TBC1D15: variants seen among roughly 807,000 people sequenced by gnomAD.
The protein encoded by TBC1D15 is GAP for RAB7.
Under a neutral mutation model 95.4 loss-of-function variants are expected in TBC1D15, and 39 were observed. The ratio of observed to expected loss-of-function variants is 0.41; its 90% CI spans 0.32 to 0.53. TBC1D15 has a LOEUF of 0.53. Ranked by LOEUF, TBC1D15 falls within the 20% of genes least tolerant of loss-of-function variation. The pLI is 0.29. For synonymous variants in TBC1D15, 258 were observed against 261.3 expected, an observed-to-expected ratio of 0.99 and a Z score of 0.12; for missense variants, 733 against 794.3, an observed-to-expected ratio of 0.92 and a Z score of 0.93.
At chr12:71,903,024 G>A (rs576316877) in intron 10 of TBC1D15, among the ~76,000 whole-genome samples, 1 of 152,250 alleles carries the variant, frequency 6.6e-6, no homozygotes, top group African/African-American at 2.4e-5. Context: ...GCAATTCTCT[G>A]CGTCAGCCTC....
At chr12:71,861,949 A>G (rs1344692712) in intron 1 of TBC1D15, among the ~76,000 whole-genome samples, 1 of 152,110 alleles carries the variant, frequency 6.6e-6, no homozygotes, top group Admixed American at 6.5e-5. Context: ...CCCATTGGTC[A>G]TTCAGAAACG....
chr12:71,893,283 T>A lies in TBC1D15; in HGVS notation c.616T>A (p.Phe206Ile), dbSNP rs773879213. The part of the protein sequence containing the change: ...NCQNKSLSQS[F>I]ENLLDEPAYG... ...TCAGAATAAGAGTCTTTCACAGTCT[T>A]TTGAAAATCTTCTTGATGAGCCAGC... The change falls in exon 6 of 17, where the codon TTT becomes ATT. Residue 206 changes from phenylalanine to isoleucine, a missense_variant. By Grantham distance (21) the Phe-to-Ile change is conservative. Coordinates refer to ENST00000485960, the MANE Select transcript of TBC1D15 (RefSeq NM_001146213.3). 1 of 1,610,378 alleles carries A rather than the reference T, an allele frequency of 6.2e-7. No individual in the cohort carries two copies.
At chr12:71,855,927 T>C (rs548917646) in intron 1 of TBC1D15, among the ~76,000 whole-genome samples, 1 of 149,652 alleles carries the variant, frequency 6.7e-6, no homozygotes, top group African/African-American at 2.5e-5. Context: ...GTCTTGTTAT[T>C]GTATGTGGTT....
intron 2 of TBC1D15, 105 bp from the exon 3 acceptor site, chr12:71,872,823 TG>T (rs1490056768): frequency 2.8e-6 from 2 of 702,158 alleles, no homozygotes; most frequent in African/African-American, 1.8e-5. Context: ...ATATTTAAAA[TG>T]TAGATATTTA....
chr12:71,843,690 C>T (rs1302285574), intron 1 of TBC1D15, among the ~76,000 whole-genome samples: 2 of 151,878 alleles, frequency 1.3e-5, no homozygotes, highest in African/African-American at 4.8e-5. Flanking sequence ...GCTCTGTCAC[C>T]CAGGCTGGAG....
chr12:71,922,393 AT>A (rs113471599), intron 16 of TBC1D15, among the ~76,000 whole-genome samples: 177 of 146,464 alleles, frequency 1.2e-3, no homozygotes, highest in Middle Eastern at 7.2e-3. Context: ...CCATGACTGC[AT>A]TTTTTTTTTT....
chr12:71,910,834 G>A (rs1902067648), intron 11 of TBC1D15, among the ~76,000 whole-genome samples: 1 of 152,086 alleles, frequency 6.6e-6, no homozygotes, highest in African/African-American at 2.4e-5. Flanking sequence ...GAGTGAACAG[G>A]TAACCTACAA....
intron 1 of TBC1D15, among the ~76,000 whole-genome samples, chr12:71,841,491 A>C (rs1290288583): frequency 6.6e-6 from 1 of 152,048 alleles, no homozygotes; most frequent in East Asian, 1.9e-4. Flanking sequence ...AACAAAACCC[A>C]CTTGTTCTTC....
intron 10 of TBC1D15, 58 bp from the exon 11 acceptor site, chr12:71,906,964 C>G (rs1592808516): frequency 2.7e-6 from 3 of 1,109,522 alleles, no homozygotes; most frequent in African/African-American, 1.6e-5. Flanking sequence ...AAGATGTGAG[C>G]TTTATCACAA....
rs771312089 is a variant in TBC1D15, at chr12:71,873,833, A to T, written c.204+830A>T. On this transcript the variant is annotated intron_variant, in intron 3 of 16. Transcript: ENST00000485960. ...AAACTGGGTGGCTTAGAACAGTCTTAATTTATTGTCTCTCAGTTCTGGAGA... is the reference window on the plus strand; with the variant it reads ...AAACTGGGTGGCTTAGAACAGTCTTTATTTATTGTCTCTCAGTTCTGGAGA... Among the ~76,000 whole-genome samples, 22 of 152,154 alleles carry T rather than the reference A, an allele frequency of 1.4e-4. 1 individual carries two copies. The highest frequency in any genetic ancestry group is 3.1e-4 in the Non-Finnish European group (21 of 68,008).
chr12:71,900,212 G>A (rs553783531), intron 10 of TBC1D15, among the ~76,000 whole-genome samples: 1 of 152,182 alleles, frequency 6.6e-6, no homozygotes, highest in African/African-American at 2.4e-5. Flanking sequence ...ATGTCAAGTA[G>A]GTAGTTGAAT....
chr12:71,871,803 C>T (rs1232657776), intron 1 of TBC1D15, among the ~76,000 whole-genome samples: 1 of 152,198 alleles, frequency 6.6e-6, no homozygotes, highest in African/African-American at 2.4e-5. Flanking sequence ...ATTAGTCTGA[C>T]ATCTTTGTTT....
chr12:71,895,917 G>T lies in TBC1D15; in HGVS notation c.856-30G>T, dbSNP rs374953377. 1.9e-6 allele frequency: 3 copies of T among 1,602,214 alleles called. No homozygotes were observed. In the South Asian group the frequency reaches 3.3e-5, roughly 18 times the overall value. On this transcript the variant is annotated intron_variant, in intron 7 of 16. Transcript: ENST00000485960. ...TTATTTCATTTCACTGGTTAAATAT[G>T]TACTTATTATTGCTTAATCTTATTT... is the stretch of plus-strand genomic sequence containing the variant.
chr12:71,875,065 A>G (rs1331153840), intron 3 of TBC1D15, among the ~76,000 whole-genome samples: 1 of 151,942 alleles, frequency 6.6e-6, no homozygotes, highest in Non-Finnish European at 1.5e-5. Flanking sequence ...CAGCCTCCCA[A>G]ATAGCTGGAA....
At chr12:71,919,434 A>G (rs1441907535) in intron 14 of TBC1D15, among the ~76,000 whole-genome samples, 3 of 152,238 alleles carry the variant, frequency 2.0e-5, no homozygotes, top group Admixed American at 6.5e-5. Context: ...ATTGGGAGAT[A>G]ATCCATTTTG....
intron 4 of TBC1D15, among the ~76,000 whole-genome samples, chr12:71,882,346 C>G (rs1166056038): frequency 6.6e-6 from 1 of 152,098 alleles, no homozygotes; most frequent in East Asian, 1.9e-4. Flanking sequence ...CATGTTTGTT[C>G]TAGAGATCCA....
At chr12:71,871,533 T>C (rs1892681325) in intron 1 of TBC1D15, among the ~76,000 whole-genome samples, 1 of 152,222 alleles carries the variant, frequency 6.6e-6, no homozygotes, top group African/African-American at 2.4e-5. Flanking sequence ...AAGTGCATTT[T>C]CAATTCGAGC....
intron 1 of TBC1D15, among the ~76,000 whole-genome samples, chr12:71,842,912 T>C (rs191399678): frequency 1.3e-4 from 20 of 152,234 alleles, no homozygotes; most frequent in Admixed American, 7.2e-4. Flanking sequence ...ATAGCTCTTT[T>C]GTTTCAGAGT....
intron 1 of TBC1D15, among the ~76,000 whole-genome samples, chr12:71,855,667 CAAAAAAA>C (rs1161851924): frequency 7.3e-5 from 3 of 41,358 alleles, no homozygotes; most frequent in African/African-American, 2.1e-4. Flanking sequence ...GACTCCATCT[CAAAAAAA>C]AAAAAAAAAA....
Sources: gnomAD v4.1 joint callset for allele counts (sites outside exome capture counted in the v4.1 genomes callset) on GRCh38, gnomAD v4.1.1 for gene constraint, MANE v1.5 for transcripts, NCBI Gene and HGNC (gene_info 2026-07-23, HGNC 2026-07-21) for gene names.